TPRG1: variants seen among roughly 807,000 people sequenced by gnomAD.
TPRG1 encodes tumor protein p63 regulated 1.
In TPRG1, 29 loss-of-function variants were observed where a neutral mutation model predicts 29.3. The ratio of observed to expected loss-of-function variants is 0.99; its 90% CI spans 0.74 to 1.35. The LOEUF (loss-of-function observed/expected upper bound fraction) is 1.35. TPRG1 is among the 40% of genes most tolerant of loss of function. The probability of loss-of-function intolerance (pLI) is 0.00; values close to 1 mark genes in which losing one functional copy is unlikely to be tolerated. For synonymous variants in TPRG1, 130 were observed against 116.8 expected, an observed-to-expected ratio of 1.11 and a Z score of -0.73; for missense variants, 327 against 335.0, an observed-to-expected ratio of 0.98 and a Z score of 0.19.
chr3:189,277,029 T>C (rs1716272228), intron 4 of TPRG1, among the ~76,000 whole-genome samples: 1 of 152,172 alleles, frequency 6.6e-6, no homozygotes, highest in Non-Finnish European at 1.5e-5. Context: ...CTGTCTCCAC[T>C]ATAATTGCAG....
At chr3:189,274,632 A>G (rs1715788022) in intron 4 of TPRG1, among the ~76,000 whole-genome samples, 4 of 152,282 alleles carry the variant, frequency 2.6e-5, no homozygotes, top group South Asian at 4.1e-4. Context: ...TTTCTAATGT[A>G]CTTTCAGTAA....
chr3:189,192,209 G>A (rs1248829343), intron 1 of TPRG1, among the ~76,000 whole-genome samples: 1 of 152,180 alleles, frequency 6.6e-6, no homozygotes, highest in Non-Finnish European at 1.5e-5. Flanking sequence ...AGGTTTAGAA[G>A]AAAGGATTTC....
chr3:189,293,030 C>T (rs1034727689), intron 4 of TPRG1, among the ~76,000 whole-genome samples: 1 of 152,120 alleles, frequency 6.6e-6, no homozygotes, highest in South Asian at 2.1e-4. Flanking sequence ...TAATAGGAAC[C>T]GGCAACCTCC....
chr3:189,318,132 T>C (rs567862288), intron 5 of TPRG1, among the ~76,000 whole-genome samples: 1 of 152,270 alleles, frequency 6.6e-6, no homozygotes, highest in East Asian at 1.9e-4. Flanking sequence ...GACTTCCTTC[T>C]ATACACAGGG....
At chr3:189,005,506 T>C (rs929793834) in intron 3 of TPRG1, among the ~76,000 whole-genome samples, 2 of 152,142 alleles carry the variant, frequency 1.3e-5, no homozygotes, top group Admixed American at 1.3e-4. Context: ...ATTGAGGACT[T>C]AGCCAAAGTT....
intron 2 of TPRG1, among the ~76,000 whole-genome samples, chr3:189,213,120 TTCTA>T (rs1490865024): frequency 6.6e-6 from 1 of 152,212 alleles, no homozygotes; most frequent in Non-Finnish European, 1.5e-5. Context: ...ACTATTTTCC[TTCTA>T]TCTGATATCA....
At chr3:189,080,074 A>C (rs1480879261) in intron 4 of TPRG1, among the ~76,000 whole-genome samples, 2 of 152,256 alleles carry the variant, frequency 1.3e-5, no homozygotes, top group Non-Finnish European at 2.9e-5. Flanking sequence ...AGTTCTAGTC[A>C]GTATATAATG....
chr3:189,181,957 G>T (rs755587686), intron 1 of TPRG1, among the ~76,000 whole-genome samples: 8 of 152,204 alleles, frequency 5.3e-5, no homozygotes, highest in South Asian at 2.1e-4. Flanking sequence ...AGCAAGTCAT[G>T]TCTTACATGG....
chr3:189,073,446 C>CA lies in TPRG1; in HGVS notation c.-463+49500_-463+49501insA, dbSNP rs558263700. On this transcript the variant is annotated intron_variant, in intron 4 of 10. Transcript: ENST00000433971. ...TTGTTTGTAGTTCTTTTTTTCGCCC[C>CA]TTTGGATGAAAGGTATATAGATAAA... Among the ~76,000 whole-genome samples the CA allele has an allele frequency of 3.0e-4, 45 of 152,138 alleles. No homozygotes were observed. The South Asian group carries it at 7.1e-3, about 24-fold the overall frequency.
At chr3:189,185,643 A>G (rs985500312) in intron 1 of TPRG1, among the ~76,000 whole-genome samples, 1 of 152,186 alleles carries the variant, frequency 6.6e-6, no homozygotes, top group African/African-American at 2.4e-5. Flanking sequence ...AAAAGAGAGT[A>G]AGAATAATCC....
intron 1 of TPRG1, among the ~76,000 whole-genome samples, chr3:189,111,663 G>A (rs529520370): frequency 9.2e-5 from 14 of 152,158 alleles, no homozygotes; most frequent in African/African-American, 2.2e-4. Flanking sequence ...TAACTTCATC[G>A]TAATTTGAGA....
chr3:189,313,366 G>A (rs1577043579), intron 5 of TPRG1, among the ~76,000 whole-genome samples: 1 of 151,970 alleles, frequency 6.6e-6, no homozygotes, highest in Non-Finnish European at 1.5e-5. Context: ...TAATATTTTG[G>A]CAAAAACATG....
At chr3:189,266,884 T>G (rs895359050) in intron 4 of TPRG1, among the ~76,000 whole-genome samples, 13 of 126,204 alleles carry the variant, frequency 1.0e-4, no homozygotes, top group Non-Finnish European at 1.2e-4. Flanking sequence ...TTTCCTTGTG[T>G]TTTTTTTTTC....
intron 4 of TPRG1, among the ~76,000 whole-genome samples, chr3:189,026,617 C>T (rs1440949783): frequency 6.6e-6 from 1 of 152,152 alleles, no homozygotes; most frequent in African/African-American, 2.4e-5. Context: ...TTAAGCTTAG[C>T]TGGAACATAA....
Position 189,178,150 on chromosome 3 carries a change from T to C in TPRG1, c.-10+6019T>C, listed in dbSNP as rs1300884680. On this transcript the variant is annotated intron_variant, in intron 1 of 5. Coordinates refer to ENST00000345063, the MANE Select transcript of TPRG1 (RefSeq NM_198485.4). ...ATAGATGTTCCTTTCAAGGAGCTTATTTATAAAAGAAAATGGAGAAAATGG... is the reference window on the plus strand; with the variant it reads ...ATAGATGTTCCTTTCAAGGAGCTTACTTATAAAAGAAAATGGAGAAAATGG... 2.6e-5 allele frequency among the ~76,000 whole-genome samples: 4 copies of C among 152,166 alleles called. No individual in the cohort carries two copies. In the East Asian group the frequency reaches 7.7e-4, roughly 29 times the overall value.
intron 4 of TPRG1, among the ~76,000 whole-genome samples, chr3:189,288,742 G>C (rs9816309): frequency 0.34 from 51,331 of 152,216 alleles, 12,005 homozygotes; most frequent in African/African-American, 0.67. Context: ...ACTTCATTAT[G>C]ATGCATAAGC....
intron 1 of TPRG1, among the ~76,000 whole-genome samples, chr3:189,123,426 G>A (rs2108510272): frequency 6.6e-6 from 1 of 152,316 alleles, no homozygotes; most frequent in Admixed American, 6.5e-5. Flanking sequence ...CTTGCAGGAA[G>A]CTCCGGCAGA....
chr3:189,280,857 C>T (rs1182043709), intron 4 of TPRG1, among the ~76,000 whole-genome samples: 2 of 152,162 alleles, frequency 1.3e-5, no homozygotes, highest in Non-Finnish European at 2.9e-5. Flanking sequence ...TTTTGATTGC[C>T]TACCCAACAA....
chr3:189,104,311 C>T (rs750607797), intron 1 of TPRG1, among the ~76,000 whole-genome samples: 2 of 152,008 alleles, frequency 1.3e-5, no homozygotes, highest in African/African-American at 4.8e-5. Flanking sequence ...GCTTGACAGG[C>T]GTAGATATTC....
Sources: allele counts gnomAD v4.1 joint callset (sites outside exome capture counted in the v4.1 genomes callset), GRCh38; gene constraint gnomAD v4.1.1; transcripts MANE v1.5; gene names NCBI Gene and HGNC (gene_info 2026-07-23, HGNC 2026-07-21).